KCNH1: variants seen among roughly 807,000 people sequenced by gnomAD.
KCNH1 encodes potassium voltage-gated channel subfamily H member 1, also known as voltage-gated delayed rectifier potassium channel KCNH1.
In KCNH1, 27 loss-of-function variants were observed where a neutral mutation model predicts 69.2. The observed-to-expected ratio is 0.39, with a 90% CI of 0.29 to 0.54. The LOEUF is 0.54. Among genes scored for constraint, KCNH1 ranks in the 20% least tolerant of loss-of-function variants. The pLI, the probability that KCNH1 is intolerant of heterozygous loss-of-function variation, is 0.68. For missense variants in KCNH1, 798 were observed against 1,261.6 expected (o/e 0.63, Z 5.57); for synonymous variants, 456 against 487.7 (o/e 0.93, Z 0.86).
At chr1:210,887,715 G>A (rs1686645059) in intron 7 of KCNH1, among the ~76,000 whole-genome samples, 2 of 67,798 alleles carry the variant, frequency 2.9e-5, no homozygotes, top group South Asian at 4.7e-4. Context: ...GCAAGAAAAT[G>A]GAAAGCCAAA....
intron 6 of KCNH1, among the ~76,000 whole-genome samples, chr1:211,016,329 C>A (rs1426143987): frequency 6.6e-6 from 1 of 152,160 alleles, no homozygotes. Flanking sequence ...ACACATTTTA[C>A]ATATGTGTTT....
chr1:211,085,364 G>T (rs1690933951), intron 4 of KCNH1, among the ~76,000 whole-genome samples: 1 of 151,822 alleles, frequency 6.6e-6, no homozygotes, highest in African/African-American at 2.4e-5. Flanking sequence ...TAAGAAATTT[G>T]AACTTCATCC....
At position 210,917,229 on chromosome 1, in the gene KCNH1, GAGAAAGAAAGAA is replaced by G. The variant is rs1187754589; in HGVS notation, c.1462+2399_1462+2410del. Among the ~76,000 whole-genome samples the G allele has an allele frequency of 2.6e-3, 206 of 78,854 alleles. 1 individual carries two copies. Among genetic ancestry groups the G allele is most frequent in the African/African-American group, 5.3e-3 (101 of 19,184 alleles). The allele number at this position is 78,854 out of a possible 152,430, so 51.7% of individuals were successfully genotyped here. On this transcript the variant is annotated intron_variant, in intron 7 of 10. Coordinates refer to ENST00000271751, the MANE Select transcript of KCNH1 (RefSeq NM_172362.3). ...GGACAGAGAGAGAGAGAGAGAGAGA[GAGAAAGAAAGAA>G]AGAAAGAAAGAAAGAAAGAAAGAAA...
chr1:210,753,801 CGA>C (rs1683333096), intron 10 of KCNH1, among the ~76,000 whole-genome samples: 1 of 152,122 alleles, frequency 6.6e-6, no homozygotes, highest in Non-Finnish European at 1.5e-5. Context: ...GCCAGGGGCC[CGA>C]GTGGGGGCAT....
chr1:210,861,773 C>T, intron 7 of KCNH1: 1 of 772,702 alleles, frequency 1.3e-6, no homozygotes, highest in East Asian at 2.4e-5. Flanking sequence ...TGCTGCATTG[C>T]TGCTACCAAT....
intron 10 of KCNH1, among the ~76,000 whole-genome samples, chr1:210,715,863 C>T (rs890071452): frequency 1.4e-4 from 22 of 152,136 alleles, no homozygotes; most frequent in African/African-American, 5.3e-4. Flanking sequence ...TTTCCTGCCT[C>T]AGTAAGGGCT....
chr1:210,754,425 T>G (rs987878660), intron 10 of KCNH1, among the ~76,000 whole-genome samples: 1 of 152,116 alleles, frequency 6.6e-6, no homozygotes, highest in African/African-American at 2.4e-5. Flanking sequence ...TGCTAACACA[T>G]TGATATAGTT....
intron 6 of KCNH1, among the ~76,000 whole-genome samples, chr1:210,997,489 C>T (rs1176151854): frequency 6.6e-6 from 1 of 152,170 alleles, no homozygotes; most frequent in African/African-American, 2.4e-5. Flanking sequence ...ATGAACAAAG[C>T]TTCCAAGAAA....
chr1:211,016,244 C>A (rs55695208), intron 6 of KCNH1, among the ~76,000 whole-genome samples: 1 of 152,002 alleles, frequency 6.6e-6, no homozygotes. Context: ...AGAGTTCCAA[C>A]CCAACATATA....
intron 10 of KCNH1, among the ~76,000 whole-genome samples, chr1:210,774,674 GA>G (rs1268410881): frequency 6.6e-6 from 1 of 152,152 alleles, no homozygotes; most frequent in Non-Finnish European, 1.5e-5. Flanking sequence ...AATCCGTCAT[GA>G]AAACCTCAAG....
intron 5 of KCNH1, among the ~76,000 whole-genome samples, chr1:211,045,002 C>T (rs961268424): frequency 1.7e-5 from 2 of 117,920 alleles, no homozygotes; most frequent in Admixed American, 9.6e-5. Flanking sequence ...GTGGGACCAA[C>T]CCAATGCCCA....
At chr1:210,973,780 A>T (rs1688554004) in intron 6 of KCNH1, among the ~76,000 whole-genome samples, 1 of 152,212 alleles carries the variant, frequency 6.6e-6, no homozygotes, top group Non-Finnish European at 1.5e-5. Flanking sequence ...AACATCAACA[A>T]AATGATGTCT....
chr1:210,911,129 A>C (rs1238185755), intron 7 of KCNH1, among the ~76,000 whole-genome samples: 1 of 152,088 alleles, frequency 6.6e-6, no homozygotes, highest in African/African-American at 2.4e-5. Context: ...CCCCTGACCT[A>C]AGCTGCTTGA....
At chr1:210,938,518 A>G (rs935346894) in intron 6 of KCNH1, among the ~76,000 whole-genome samples, 36 of 152,358 alleles carry the variant, frequency 2.4e-4, no homozygotes, top group African/African-American at 8.4e-4. Context: ...TGTCTTCTAG[A>G]TAAAATTCCT....
intron 10 of KCNH1, among the ~76,000 whole-genome samples, chr1:210,740,660 C>T (rs1431391547): frequency 6.7e-6 from 1 of 150,054 alleles, no homozygotes; most frequent in African/African-American, 2.5e-5. Flanking sequence ...TCTTCTCTTT[C>T]CCCCAACTTT....
intron 10 of KCNH1, among the ~76,000 whole-genome samples, chr1:210,689,034 G>A (rs1440324869): frequency 2.6e-5 from 4 of 152,200 alleles, no homozygotes. Flanking sequence ...ATGACTTATT[G>A]CAACCTAGAG....
chr1:210,887,115 A>G (rs1686627887), intron 7 of KCNH1, among the ~76,000 whole-genome samples: 1 of 152,198 alleles, frequency 6.6e-6, no homozygotes, highest in South Asian at 2.1e-4. Context: ...TAAGGTTGAA[A>G]TGAAAAAATA....
chr1:211,090,584 T>C lies in KCNH1; in HGVS notation c.417A>G (p.Pro139=). The C allele has an allele frequency of 6.2e-7, 1 of 1,606,160 alleles. No homozygotes were observed. Among genetic ancestry groups the C allele is most frequent in the Non-Finnish European group, 8.5e-7 (1 of 1,178,394 alleles). Residue 139 remains proline, a synonymous_variant, in exon 4 of 11, where the codon CCA becomes CCG. Coordinates refer to ENST00000271751, the MANE Select transcript of KCNH1 (RefSeq NM_172362.3). ...AACCTTTACATGAATCATCCTCAAT[T>C]GGCTGTTTGAAAGCTGTTATGTCAC... The part of the protein sequence containing the change: ...TFSDITAFKQ[P]IEDDSCKGWG...
At chr1:210,970,750 C>T (rs1688497486) in intron 6 of KCNH1, among the ~76,000 whole-genome samples, 1 of 152,076 alleles carries the variant, frequency 6.6e-6, no homozygotes, top group South Asian at 2.1e-4. Flanking sequence ...ATGATGAAAT[C>T]ACCAAAAGCA....
Sources: gnomAD v4.1 joint callset for allele counts (sites outside exome capture counted in the v4.1 genomes callset) on GRCh38, gnomAD v4.1.1 for gene constraint, MANE v1.5 for transcripts, NCBI Gene and HGNC (gene_info 2026-07-23, HGNC 2026-07-21) for gene names.